Variants in JPH3 observed in about 807,000 individuals in gnomAD.
JPH3 encodes junctophilin-3.
Under a neutral mutation model 59.6 loss-of-function variants are expected in JPH3, and 11 were observed. The observed-to-expected ratio is 0.18, with a 90% CI of 0.12 to 0.31. The LOEUF (loss-of-function observed/expected upper bound fraction) is 0.31, where lower values mean the gene tolerates loss of function less well. Among genes scored for constraint, JPH3 ranks in the 10% least tolerant of loss-of-function variants. The pLI is 1.00. For missense variants in JPH3, 1,202 were observed against 1,105.7 expected, an observed-to-expected ratio of 1.09 and a Z score of -1.24; for synonymous variants, 673 against 483.6, an observed-to-expected ratio of 1.39 and a Z score of -5.14.
intron 4 of JPH3, among the ~76,000 whole-genome samples, chr16:87,692,433 G>A (rs532187895): frequency 6.6e-6 from 1 of 152,210 alleles, no homozygotes; most frequent in Non-Finnish European, 1.5e-5. Context: ...CCCTCACAGG[G>A]GTACAGCTCT....
At chr16:87,681,139 GATGACAGTTCCGGAAGGTCAGGTGCA>G (rs2033279761) in intron 2 of JPH3, among the ~76,000 whole-genome samples, 1 of 147,846 alleles carries the variant, frequency 6.8e-6, no homozygotes, top group Admixed American at 6.8e-5. Context: ...TGCGCGCGGT[GATGACAGTTCCGGAAGGTCAGGTGCA>G]CGCGGTGATG....
In JPH3 at chr16:87,667,095, C is replaced by T. The variant is rs143152354; in HGVS notation, c.1161-17047C>T. On this transcript the variant is annotated intron_variant, in intron 2 of 4. Coordinates refer to ENST00000284262, the MANE Select transcript of JPH3 (RefSeq NM_020655.4). ...TGCAGCCTCTGGGGAGGGTCCCTTCCGGCTTCTGGGGGCTGCCGGCCTCCC... is the reference window on the plus strand; with the variant it reads ...TGCAGCCTCTGGGGAGGGTCCCTTCTGGCTTCTGGGGGCTGCCGGCCTCCC... Among the ~76,000 whole-genome samples, 162 of 152,344 alleles carry T rather than the reference C, an allele frequency of 1.1e-3. 1 individual carries two copies. The East Asian group carries it at 0.028, about 26-fold the overall frequency.
chr16:87,677,187 C>T (rs59632631), intron 2 of JPH3, among the ~76,000 whole-genome samples: 7,678 of 70,342 alleles, frequency 0.11, 351 homozygotes, highest in Admixed American at 0.16. Flanking sequence ...TATATATATA[C>T]ACACACACAC....
chr16:87,645,184 C>A, intron 2 of JPH3, 149 bp downstream of exon 2: 1 of 802,788 alleles, frequency 1.2e-6, no homozygotes, highest in Non-Finnish European at 1.9e-6. Context: ...CCCCATGGAA[C>A]CCTAGGGTTC....
chr16:87,609,135 C>T (rs146846403), intron 1 of JPH3, among the ~76,000 whole-genome samples: 1,802 of 152,386 alleles, frequency 0.012, 23 homozygotes, highest in South Asian at 0.037. Flanking sequence ...ATGTTTTCAC[C>T]CCTACCCTGT....
intron 1 of JPH3, among the ~76,000 whole-genome samples, chr16:87,619,569 TCA>T (rs1273474735): frequency 1.3e-5 from 2 of 152,204 alleles, no homozygotes; most frequent in African/African-American, 2.4e-5. Context: ...AGCCAGGATC[TCA>T]GTCTGCGGCT....
chr16:87,652,482 G>A (rs1434588802), intron 2 of JPH3, among the ~76,000 whole-genome samples: 3 of 151,996 alleles, frequency 2.0e-5, no homozygotes, highest in Admixed American at 6.5e-5. Flanking sequence ...TTTCTTTTTC[G>A]TGACAGGGTC....
intron 2 of JPH3, among the ~76,000 whole-genome samples, chr16:87,653,313 C>CCCCAAGGCACAG (rs2032387483): frequency 6.6e-6 from 1 of 152,172 alleles, no homozygotes; most frequent in Non-Finnish European, 1.5e-5. Context: ...GTGAGCTGTG[C>CCCCAAGGCACAG]CTTGGGGCCC....
At chr16:87,620,995 C>CA (rs983327586) in intron 1 of JPH3, among the ~76,000 whole-genome samples, 1 of 152,050 alleles carries the variant, frequency 6.6e-6, no homozygotes, top group African/African-American at 2.4e-5. Context: ...CCATCTCTAC[C>CA]AAAAAATACA....
intron 1 of JPH3, among the ~76,000 whole-genome samples, chr16:87,613,237 C>T (rs1425386991): frequency 6.6e-6 from 1 of 151,418 alleles, no homozygotes; most frequent in Non-Finnish European, 1.5e-5. Context: ...GCTGGGACTA[C>T]AGGTACCCAC....
chr16:87,615,839 G>A (rs142197166), intron 1 of JPH3, among the ~76,000 whole-genome samples: 104 of 152,310 alleles, frequency 6.8e-4, no homozygotes, highest in African/African-American at 2.2e-3. Flanking sequence ...GAAGAGACCG[G>A]GTCTGTTGGG....
chr16:87,647,556 C>G (rs2032192653), intron 2 of JPH3, among the ~76,000 whole-genome samples: 1 of 152,196 alleles, frequency 6.6e-6, no homozygotes, highest in Admixed American at 6.5e-5. Flanking sequence ...TCCGAGCTGA[C>G]TCCGTCCCTT....
chr16:87,671,148 G>C (rs1051848138), intron 2 of JPH3, among the ~76,000 whole-genome samples: 1 of 152,162 alleles, frequency 6.6e-6, no homozygotes, highest in East Asian at 1.9e-4. Flanking sequence ...GGAGTCCAGC[G>C]AGACAATGGG....
At chr16:87,677,183 TATACACACACAC>T (rs1282340710) in intron 2 of JPH3, among the ~76,000 whole-genome samples, 1 of 75,900 alleles carries the variant, frequency 1.3e-5, no homozygotes, top group Non-Finnish European at 2.6e-5. Flanking sequence ...ACTATATATA[TATACACACACAC>T]ACACACACAC....
At chr16:87,675,992 G>A (rs543523587) in intron 2 of JPH3, among the ~76,000 whole-genome samples, 1 of 152,258 alleles carries the variant, frequency 6.6e-6, no homozygotes, top group African/African-American at 2.4e-5. Context: ...GGCAGGAGCT[G>A]GGAGGAGGGA....
chr16:87,693,863 G>A (rs976899004), intron 4 of JPH3: 1 of 152,248 alleles, frequency 6.6e-6, no homozygotes, highest in Non-Finnish European at 1.5e-5. Context: ...CACGTTAACG[G>A]GAATGAGATA....
intron 2 of JPH3, chr16:87,653,633 CAG>C (rs1304578354): frequency 6.6e-6 from 1 of 152,178 alleles, no homozygotes; most frequent in Admixed American, 6.5e-5. Flanking sequence ...ACAGATGTGT[CAG>C]GGGTTATGTA....
At chr16:87,641,572 C>A (rs1369415850) in intron 1 of JPH3, among the ~76,000 whole-genome samples, 1 of 152,252 alleles carries the variant, frequency 6.6e-6, no homozygotes, top group Non-Finnish European at 1.5e-5. Context: ...CCTGGTACCC[C>A]CCTTCTCCAG....
At chr16:87,651,539 A>G (rs2032324193) in intron 2 of JPH3, among the ~76,000 whole-genome samples, 1 of 152,252 alleles carries the variant, frequency 6.6e-6, no homozygotes, top group African/African-American at 2.4e-5. Flanking sequence ...ACAAGAATTT[A>G]GAAGAAGTTG....
Sources: allele counts gnomAD v4.1 joint callset (sites outside exome capture counted in the v4.1 genomes callset), GRCh38; gene constraint gnomAD v4.1.1; transcripts MANE v1.5; gene names NCBI Gene and HGNC (gene_info 2026-07-23, HGNC 2026-07-21).